Variants in BTBD9 observed in about 807,000 individuals in gnomAD.
BTBD9 encodes the protein BTB/POZ domain-containing protein 9.
BTBD9 carries 49 observed loss-of-function variants against 64.3 expected under a neutral mutation model. The ratio of observed to expected loss-of-function variants is 0.76; its 90% confidence interval spans 0.61 to 0.97. BTBD9 has a LOEUF of 0.97. Ranked by LOEUF, BTBD9 falls within the 50% of genes least tolerant of loss-of-function variation. The pLI is 0.00. For missense variants in BTBD9, 598 were observed against 762.1 expected (o/e 0.78, Z 2.53); for synonymous variants, 260 against 274.7 (o/e 0.95, Z 0.53).
chr6:38,346,012 G>A (rs1764263568), intron 6 of BTBD9, among the ~76,000 whole-genome samples: 1 of 152,172 alleles, frequency 6.6e-6, no homozygotes, highest in Non-Finnish European at 1.5e-5. Flanking sequence ...GTAAGAACCA[G>A]GAAAAATAAC....
intron 1 of BTBD9, among the ~76,000 whole-genome samples, chr6:38,636,492 C>T (rs1778530997): frequency 6.6e-6 from 1 of 152,190 alleles, no homozygotes; most frequent in African/African-American, 2.4e-5. Context: ...AACTTAATGT[C>T]ATCATAAGCA....
intron 6 of BTBD9, among the ~76,000 whole-genome samples, chr6:38,541,963 A>C (rs1167799042): frequency 1.3e-5 from 2 of 152,230 alleles, no homozygotes; most frequent in East Asian, 3.8e-4. Flanking sequence ...TAGAAAACTT[A>C]TATGAACTTG....
chr6:38,388,649 C>A (rs1286828253), intron 6 of BTBD9, among the ~76,000 whole-genome samples: 1 of 152,134 alleles, frequency 6.6e-6, no homozygotes, highest in African/African-American at 2.4e-5. Flanking sequence ...TCAATATGGC[C>A]ATTTTCAAAT....
At chr6:38,627,904 T>C (rs550915677) in intron 1 of BTBD9, among the ~76,000 whole-genome samples, 1 of 152,234 alleles carries the variant, frequency 6.6e-6, no homozygotes, top group South Asian at 2.1e-4. Flanking sequence ...CAATAATAAC[T>C]AGAAAATTTT....
intron 6 of BTBD9, among the ~76,000 whole-genome samples, chr6:38,573,405 T>A (rs1312833973): frequency 2.0e-5 from 3 of 152,210 alleles, no homozygotes; most frequent in African/African-American, 7.2e-5. Context: ...CCGTTTTGTA[T>A]TAACCAAGTT....
At chr6:38,286,388 T>C (rs1456482532) in intron 8 of BTBD9, among the ~76,000 whole-genome samples, 1 of 152,170 alleles carries the variant, frequency 6.6e-6, no homozygotes, top group Non-Finnish European at 1.5e-5. Flanking sequence ...TCTTTATACA[T>C]ACTGATTTTC....
intron 6 of BTBD9, among the ~76,000 whole-genome samples, chr6:38,394,967 A>G (rs893533578): frequency 2.4e-4 from 15 of 63,454 alleles, no homozygotes; most frequent in Non-Finnish European, 3.0e-4. Flanking sequence ...AAGAGAGGGG[A>G]AAAAAAAAAG....
chr6:38,536,551 C>T lies in BTBD9; in HGVS notation c.1154+41049G>A, dbSNP rs557637968. On this transcript the variant is annotated intron_variant, in intron 6 of 10. Transcript: ENST00000481247. ...CCCATATTTACTATAGCACTATTCA[C>T]AATAGCCAAAATTTGGAAGCAACCT... Among the ~76,000 whole-genome samples the T allele has an allele frequency of 2.4e-3, 369 of 152,172 alleles. 3 individuals carry two copies. Among genetic ancestry groups the T allele is most frequent in the Admixed American group, 4.8e-3 (74 of 15,282 alleles).
At chr6:38,505,411 G>A (rs1367550952) in intron 6 of BTBD9, among the ~76,000 whole-genome samples, 1 of 151,954 alleles carries the variant, frequency 6.6e-6, no homozygotes, top group East Asian at 1.9e-4. Context: ...AATCACTTGA[G>A]GTCAGGAGTT....
At chr6:38,466,773 C>T (rs1295542788) in intron 6 of BTBD9, among the ~76,000 whole-genome samples, 1 of 151,062 alleles carries the variant, frequency 6.6e-6, no homozygotes, top group Non-Finnish European at 1.5e-5. Flanking sequence ...AGAAAGGGTT[C>T]TGTAATGTTG....
In BTBD9 at chr6:38,192,578, A is replaced by T. The variant is rs1168725348; in HGVS notation, c.1582T>A (p.Phe528Ile). Residue 528 changes from phenylalanine (F) to isoleucine (I), a missense_variant, in exon 10 of 11, where the codon TTT (phenylalanine) becomes ATT (isoleucine). Coordinates refer to ENST00000481247, the MANE Select transcript of BTBD9 (RefSeq NM_001099272.2). Reference sequence around the variant, plus strand: ...ATGAAGGAGGCAGGCTGCCTTTCAAAAGTTACTGACTGCCAGGACCTGTGA... The same window carrying T: ...ATGAAGGAGGCAGGCTGCCTTTCAATAGTTACTGACTGCCAGGACCTGTGA... ...VSCKSWQSVTFERQPASFIRI... is the reference protein window; with the variant it reads ...VSCKSWQSVTIERQPASFIRI... 13 of 1,613,776 alleles carry T rather than the reference A, an allele frequency of 8.1e-6. No individual in the cohort carries two copies. Among genetic ancestry groups the T allele is most frequent in the Non-Finnish European group, 1.1e-5 (13 of 1,179,864 alleles).
intron 6 of BTBD9, among the ~76,000 whole-genome samples, chr6:38,358,034 T>A (rs113749543): frequency 2.6e-5 from 4 of 152,204 alleles, no homozygotes; most frequent in African/African-American, 9.6e-5. Flanking sequence ...TTTCTCTCTC[T>A]CTCTCTAAAA....
chr6:38,479,222 A>C (rs1427856600), intron 6 of BTBD9, among the ~76,000 whole-genome samples: 3 of 152,138 alleles, frequency 2.0e-5, no homozygotes, highest in Admixed American at 2.0e-4. Flanking sequence ...AATGTGGAGC[A>C]CAGGGGTTCA....
chr6:38,288,367 C>T lies in BTBD9; in HGVS notation c.1359G>A (p.Lys453=), dbSNP rs765910475. The T allele has an allele frequency of 3.1e-6, 5 of 1,614,040 alleles. No individual in the cohort carries two copies. In the East Asian group the frequency reaches 1.1e-4, roughly 36 times the overall value. ...TGTAGCCAGAATCCCAGTCATAATT[C>T]TTAGTGTCCCCATTCAGCAAGGCAT... ...SRNALLNGDT[K]NYDWDSGYTC... is the part of the protein sequence containing the mutation. The change falls in exon 8 of 11, where the codon AAG becomes AAA. Residue 453 remains lysine, a synonymous_variant. Coordinates refer to ENST00000481247, the MANE Select transcript of BTBD9 (RefSeq NM_001099272.2).
chr6:38,464,081 T>C (rs1047050647), intron 6 of BTBD9, among the ~76,000 whole-genome samples: 15 of 152,054 alleles, frequency 9.9e-5, no homozygotes, highest in African/African-American at 3.1e-4. Flanking sequence ...GGCTCTAATC[T>C]GAGAAGTGTC....
At chr6:38,468,731 C>T (rs952129941) in intron 6 of BTBD9, among the ~76,000 whole-genome samples, 1 of 152,066 alleles carries the variant, frequency 6.6e-6, no homozygotes, top group African/African-American at 2.4e-5. Context: ...ATAGAGTATA[C>T]CCAGAAAAGA....
rs1771043020 is a variant in BTBD9 at position 38,479,667 on chromosome 6, C to T, written c.1154+97933G>A. Among the ~76,000 whole-genome samples, 3 of 152,192 alleles carry T rather than the reference C, an allele frequency of 2.0e-5. No homozygotes were observed. The South Asian group carries it at 6.2e-4, about 32-fold the overall frequency. ...ACTGCTCAATCAACACCTCTCAGAACAACAACTTTCACTTCAGAATCCAAG... is the reference window on the plus strand; with the variant it reads ...ACTGCTCAATCAACACCTCTCAGAATAACAACTTTCACTTCAGAATCCAAG... On this transcript the variant is annotated intron_variant, in intron 6 of 10. Coordinates refer to ENST00000481247, the MANE Select transcript of BTBD9 (RefSeq NM_001099272.2).
rs1766736444 is a variant in BTBD9, at chr6:38,171,056, A to G, written c.*3929T>C. ...TGTCCAAAGGGAGGTTCTTAATTGAAGTCTGTGAGGGGAGCGCTCCATCTC... is the reference window on the plus strand; with the variant it reads ...TGTCCAAAGGGAGGTTCTTAATTGAGGTCTGTGAGGGGAGCGCTCCATCTC... On this transcript the variant is annotated 3_prime_UTR_variant, in exon 11 of 11. Coordinates refer to ENST00000481247, the MANE Select transcript of BTBD9 (RefSeq NM_001099272.2). 2 of 152,230 alleles carry G rather than the reference A, an allele frequency of 1.3e-5. No individual in the cohort carries two copies. The highest frequency in any genetic ancestry group is 4.8e-5 in the African/African-American group (2 of 41,458). The allele number at this position is 152,230 out of a possible 1,614,324, so 9.4% of individuals were successfully genotyped here. A position where few individuals can be genotyped will look rare whatever the true frequency, so the allele number is the denominator to read the frequency against.
At chr6:38,344,699 CCTGA>C (rs1221514877) in intron 7 of BTBD9, among the ~76,000 whole-genome samples, 4 of 152,166 alleles carry the variant, frequency 2.6e-5, no homozygotes, top group Non-Finnish European at 4.4e-5. Context: ...AGGGGCTTCA[CCTGA>C]CTATCACAAA....
Sources: allele counts gnomAD v4.1 joint callset (sites outside exome capture counted in the v4.1 genomes callset), GRCh38; gene constraint gnomAD v4.1.1; transcripts MANE v1.5; gene names NCBI Gene and HGNC (gene_info 2026-07-23, HGNC 2026-07-21).